The following MTOR variants were observed in gnomAD, a reference collection of about 807,000 sequenced individuals.
The protein encoded by MTOR is mechanistic target of rapamycin kinase, also known as serine/threonine-protein kinase mTOR.
MTOR carries 70 observed loss-of-function variants against 319.8 expected under a neutral mutation model. The observed-to-expected ratio is 0.22, with a 90% CI of 0.18 to 0.27. MTOR has a LOEUF of 0.27. Ranked by LOEUF, MTOR falls within the 10% of genes least tolerant of loss-of-function variation. MTOR has a pLI of 1.00. For synonymous variants in MTOR, 1,183 were observed against 1,211.4 expected (o/e 0.98, Z 0.49); for missense variants, 1,890 against 3,274.4 (o/e 0.58, Z 10.32).
intron 9 of MTOR, 135 bp from the exon 10 acceptor site, chr1:11,241,816 C>T: frequency 1.1e-6 from 1 of 950,596 alleles, no homozygotes; most frequent in South Asian, 1.6e-5. Context: ...TTGTCCAGAG[C>T]ACAGTTCAAA....
Position 11,199,707 on chromosome 1 carries a change from A to G in MTOR, c.3945-4T>C. ...AAATGCAGCATTGAAGAGATCCCTG[A>G]AGGCAGAGAAGGTGGAAAATGGAGA... On this transcript the variant is annotated splice_polypyrimidine_tract_variant and splice_region_variant and intron_variant, in intron 26 of 57. Coordinates refer to ENST00000361445, the MANE Select transcript of MTOR (RefSeq NM_004958.4). This position sits in a 1 kb window ranked among gnomAD's most constrained non-coding sequence, Gnocchi z 4.5. 1 of 1,612,988 alleles carries G rather than the reference A, an allele frequency of 6.2e-7. No homozygotes were observed. Among genetic ancestry groups the G allele is most frequent in the Non-Finnish European group, 8.5e-7 (1 of 1,179,066 alleles).
chr1:11,241,759 A>G (rs1262123352), intron 9 of MTOR, 78 bp from the exon 10 acceptor site: 1 of 1,540,712 alleles, frequency 6.5e-7, no homozygotes, highest in African/African-American at 1.4e-5. Flanking sequence ...CCTTGGGGCA[A>G]GGAGAGCAGG....
At chr1:11,225,359 A>G (rs1646796485) in intron 19 of MTOR, among the ~76,000 whole-genome samples, 3 of 152,132 alleles carry the variant, frequency 2.0e-5, no homozygotes, top group South Asian at 2.1e-4. Context: ...ACATTCTAAC[A>G]CAATTTTTTT....
At chr1:11,217,890 T>C (rs925863667) in intron 19 of MTOR, among the ~76,000 whole-genome samples, 2 of 152,118 alleles carry the variant, frequency 1.3e-5, no homozygotes, top group South Asian at 2.1e-4. Context: ...AATGGATTTA[T>C]AGTACTCATT....
chr1:11,172,145 A>G (rs942614060), intron 28 of MTOR, among the ~76,000 whole-genome samples: 1 of 150,904 alleles, frequency 6.6e-6, no homozygotes, highest in Non-Finnish European at 1.5e-5. Context: ...GGCAGGAAAG[A>G]GGGCAACAGG....
chr1:11,258,377 A>T, intron 3 of MTOR, 108 bp downstream of exon 3: 1 of 777,192 alleles, frequency 1.3e-6, no homozygotes, highest in Non-Finnish European at 2.1e-6. Flanking sequence ...CGGGCTTCTT[A>T]AATTTCATTA....
chr1:11,237,709 C>T, intron 13 of MTOR, 134 bp downstream of exon 13: 2 of 906,002 alleles, frequency 2.2e-6, no homozygotes, highest in Non-Finnish European at 3.4e-6. Flanking sequence ...TGGACCTTTG[C>T]AGACAAATGC....
intron 20 of MTOR, among the ~76,000 whole-genome samples, chr1:11,214,682 A>G (rs533354649): frequency 6.6e-6 from 1 of 152,344 alleles, no homozygotes; most frequent in East Asian, 1.9e-4. Flanking sequence ...AGCAAAAACT[A>G]TACTAGAAGA....
intron 29 of MTOR, among the ~76,000 whole-genome samples, chr1:11,157,915 C>T (rs1644365648): frequency 6.6e-6 from 1 of 152,156 alleles, no homozygotes; most frequent in South Asian, 2.1e-4. Flanking sequence ...TTCCCCTATT[C>T]TTCTAGAGTC....
At position 11,129,102 on chromosome 1, in the gene MTOR, G is replaced by A; in HGVS notation, c.5715-151C>T. The A allele has an allele frequency of 1.6e-6, 1 of 644,184 alleles. No homozygotes were observed. Among genetic ancestry groups the A allele is most frequent in the South Asian group, 1.8e-5 (1 of 55,302 alleles). 39.9% of individuals were successfully genotyped at this position (644,184 alleles called of 1,614,324 possible). ...TGGCCTCCCATGGGAGCAGGTGTCTGTGATGGGTGGCAGTGCTCTTGACTG... is the reference window on the plus strand; with the variant it reads ...TGGCCTCCCATGGGAGCAGGTGTCTATGATGGGTGGCAGTGCTCTTGACTG... On this transcript the variant is annotated intron_variant, in intron 40 of 57. Transcript: ENST00000361445. This position sits in a 1 kb window ranked among gnomAD's most constrained non-coding sequence, Gnocchi z 4.7.
chr1:11,169,627 T>G (rs1320552108), intron 28 of MTOR, among the ~76,000 whole-genome samples: 1 of 152,240 alleles, frequency 6.6e-6, no homozygotes, highest in East Asian at 1.9e-4. Flanking sequence ...AACTTGGGTT[T>G]AACTTTCTGG....
chr1:11,247,731 C>A lies in MTOR; in HGVS notation c.1119G>T (p.Val373=). Reference sequence around the variant, plus strand: ...TCCTGCATTTCAGCACCCACTGGCACACCTGAGAGAGGAAGGATAAAGGGT... The same window carrying A: ...TCCTGCATTTCAGCACCCACTGGCAAACCTGAGAGAGGAAGGATAAAGGGT... The part of the protein sequence containing the change: ...RDLMEEKFDQ[V]CQWVLKCRNS... Residue 373 remains valine, a splice_region_variant and synonymous_variant, in exon 8 of 58, where the codon GTG becomes GTT. Transcript: ENST00000361445. 1.2e-6 allele frequency: 2 copies of A among 1,614,148 alleles called. No individual in the cohort carries two copies. The highest frequency in any genetic ancestry group is 1.7e-6 in the Non-Finnish European group (2 of 1,180,016).
In MTOR at chr1:11,223,190, G is replaced by C. The variant is rs191055736; in HGVS notation, c.3030+5478C>G. Among the ~76,000 whole-genome samples, 72 of 150,252 alleles carry C rather than the reference G, an allele frequency of 4.8e-4. 1 individual carries two copies. The highest frequency in any genetic ancestry group is 3.0e-3 in the Admixed American group (45 of 15,140). On this transcript the variant is annotated intron_variant, in intron 19 of 57. Transcript: ENST00000361445. ...ATGACTTTTTTTTTTTTTTTAAGTA[G>C]AGGGAAAAGGTAAATAAGTAGTGAA...
In MTOR at chr1:11,162,452, C is replaced by T. The variant is rs532366903; in HGVS notation, c.4329+4990G>A. ...CAGAGAAAGCCACAAAGATACTTCT[C>T]GAGAAGAGCAACTCCAAGGCACATA... On this transcript the variant is annotated intron_variant, in intron 29 of 57. Transcript: ENST00000361445. 4.5e-4 allele frequency among the ~76,000 whole-genome samples: 69 copies of T among 152,192 alleles called. 3 individuals are homozygous for T. The South Asian group carries it at 0.013, about 28-fold the overall frequency.
At position 11,124,621 on chromosome 1, in the gene MTOR, T is replaced by C; in HGVS notation, c.6539A>G (p.His2180Arg). Residue 2180 changes from histidine (H) to arginine (R), a missense_variant, in exon 47 of 58, where the codon CAT becomes CGT. His to Arg is a conservative substitution (Grantham distance 29). This residue lies in a region of MTOR where 249 missense variants were observed against 596.2 expected (regional missense o/e 0.42). Transcript: ENST00000361445. Reference protein sequence around the residue: ...RKLTLMGSNGHEFVFLLKGHE... With the variant: ...RKLTLMGSNGREFVFLLKGHE... ...GCCTTTTAGAAGGAAAACAAACTCA[T>C]GTCCGTTGCTGCCTGTAAGGAACAG... 3 of 1,609,520 alleles carry C rather than the reference T, an allele frequency of 1.9e-6. No individual in the cohort carries two copies. The highest frequency in any genetic ancestry group is 2.6e-6 in the Non-Finnish European group (3 of 1,176,006).
intron 30 of MTOR, among the ~76,000 whole-genome samples, chr1:11,155,879 T>C (rs564931532): frequency 6.6e-6 from 1 of 152,214 alleles, no homozygotes; most frequent in African/African-American, 2.4e-5. Context: ...TGATAGTTAC[T>C]GGCTGAATGA....
intron 28 of MTOR, among the ~76,000 whole-genome samples, chr1:11,198,977 C>T (rs978123370): frequency 6.6e-6 from 1 of 152,164 alleles, no homozygotes; most frequent in African/African-American, 2.4e-5. Flanking sequence ...GCTGCCATGG[C>T]CACAGAATTG....
intron 6 of MTOR, among the ~76,000 whole-genome samples, chr1:11,253,587 A>C (rs1319410933): frequency 1.3e-5 from 2 of 150,578 alleles, no homozygotes; most frequent in Non-Finnish European, 3.0e-5. Context: ...TGTCATGTGG[A>C]CCCCCGTCAA....
intron 8 of MTOR, among the ~76,000 whole-genome samples, chr1:11,246,949 T>C (rs1648922039): frequency 6.6e-6 from 1 of 152,224 alleles, no homozygotes; most frequent in South Asian, 2.1e-4. Context: ...TAGTAGATGC[T>C]GAGACATTAA....
Sources: allele counts gnomAD v4.1 joint callset (sites outside exome capture counted in the v4.1 genomes callset), GRCh38; gene constraint gnomAD v4.1.1; regional missense constraint gnomAD v4.1.1; non-coding constraint Gnocchi (gnomAD v3.1); transcripts MANE v1.5; gene names NCBI Gene and HGNC (gene_info 2026-07-23, HGNC 2026-07-21).